R3HDM4: variants seen among roughly 807,000 people sequenced by gnomAD.
The protein encoded by R3HDM4 is R3H domain containing 4, also known as R3H domain-containing protein 4.
R3HDM4 carries 30 observed loss-of-function variants against 31.3 expected under a neutral mutation model. The ratio of observed to expected loss-of-function variants is 0.96; its 90% CI spans 0.72 to 1.30. The LOEUF (loss-of-function observed/expected upper bound fraction) is 1.30, where lower values mean the gene tolerates loss of function less well. Ranked by LOEUF, R3HDM4 falls within the 50% of genes most tolerant of loss-of-function variation. The pLI is 0.00. For synonymous variants in R3HDM4, 196 were observed against 156.6 expected (o/e 1.25, Z -1.88); for missense variants, 444 against 366.1 (o/e 1.21, Z -1.74).
rs551782851 is a variant in R3HDM4 at position 899,491 on chromosome 19, C to T, written c.652G>A (p.Glu218Lys). The T allele has an allele frequency of 4.3e-6, 7 of 1,613,702 alleles. No homozygotes were observed. The highest frequency in any genetic ancestry group is 1.7e-5 in the Admixed American group (1 of 60,026). Reference protein sequence around the residue: ...VYTAMLDNSFERLLLHAVCQY... With the variant: ...VYTAMLDNSFKRLLLHAVCQY... ...CAGACAGCGTGCAGCAGAAGCCTCT[C>T]GAAGCTGTGGGGAACGGGCAGTGAG... The change falls in exon 7 of 8, where the codon GAG becomes AAG. Residue 218 changes from glutamate to lysine, a missense_variant. Transcript: ENST00000361574. The surrounding 1 kb of genome is among the most constrained non-coding windows in gnomAD (Gnocchi z 6.8).
intron 1 of R3HDM4, among the ~76,000 whole-genome samples, chr19:910,388 G>A (rs1257949557): frequency 6.6e-6 from 1 of 152,084 alleles, no homozygotes; most frequent in Admixed American, 6.6e-5. Context: ...GGAGGCTGGG[G>A]CAGGAGGATC....
At chr19:901,860 G>C in intron 2 of R3HDM4, 116 bp downstream of exon 2, 3 of 1,140,960 alleles carry the variant, frequency 2.6e-6, no homozygotes, top group Non-Finnish European at 3.6e-6. Context: ...ACACCTCTTT[G>C]GGTCCCCAGC....
At chr19:910,857 C>T (rs1266444602) in intron 1 of R3HDM4, among the ~76,000 whole-genome samples, 1 of 152,224 alleles carries the variant, frequency 6.6e-6, no homozygotes, top group Admixed American at 6.5e-5. Context: ...CGGTGGCTCA[C>T]GCCTGTAATC....
intron 1 of R3HDM4, among the ~76,000 whole-genome samples, chr19:905,955 C>T (rs966610306): frequency 2.6e-5 from 4 of 152,258 alleles, no homozygotes; most frequent in South Asian, 2.1e-4. Context: ...CGCCAGGCTG[C>T]GGCGTTAGCA....
chr19:901,463 C>T lies in R3HDM4; in HGVS notation c.310G>A (p.Gly104Ser). ...TTGTTGCAGGCCTCGGCAAAGATGC[C>T]TGGTGATGCAGGGGGTGCCAAGTCC... ...DGDLAPPASPGIFAEACNNAT... is the reference protein window; with the variant it reads ...DGDLAPPASPSIFAEACNNAT... Residue 104 changes from glycine to serine, a missense_variant, in exon 3 of 8, where the codon GGC becomes AGC. By Grantham distance (56) the Gly-to-Ser change is moderately conservative. Coordinates refer to ENST00000361574, the MANE Select transcript of R3HDM4 (RefSeq NM_138774.4). 1 of 1,609,500 alleles carries T rather than the reference C, an allele frequency of 6.2e-7. No homozygotes were observed. The highest frequency in any genetic ancestry group is 8.5e-7 in the Non-Finnish European group (1 of 1,179,636).
chr19:905,712 G>C (rs1262099449), intron 1 of R3HDM4, among the ~76,000 whole-genome samples: 1 of 151,350 alleles, frequency 6.6e-6, no homozygotes, highest in Non-Finnish European at 1.5e-5. Flanking sequence ...AGTAAGCAAG[G>C]TGAGGAGACC....
At chr19:906,435 G>C (rs2036906805) in intron 1 of R3HDM4, among the ~76,000 whole-genome samples, 1 of 152,066 alleles carries the variant, frequency 6.6e-6, no homozygotes, top group Non-Finnish European at 1.5e-5. Context: ...AGCCAGAATG[G>C]TCTGGATCTC....
At chr19:902,950 A>C (rs537828095) in intron 1 of R3HDM4, among the ~76,000 whole-genome samples, 2 of 152,310 alleles carry the variant, frequency 1.3e-5, no homozygotes, top group East Asian at 3.9e-4. Context: ...TCAAAAAAAA[A>C]CAAAAAACTG....
intron 1 of R3HDM4, among the ~76,000 whole-genome samples, 180 bp downstream of exon 1, chr19:912,907 C>T (rs1481427381): frequency 6.7e-6 from 1 of 149,318 alleles, no homozygotes; most frequent in Non-Finnish European, 1.5e-5. Flanking sequence ...GGGTCCACAG[C>T]GGGCGAGAAG....
At chr19:900,789 A>G (rs2930886) in intron 4 of R3HDM4, 40 bp downstream of exon 4, 192,802 of 664,158 alleles carry the variant, frequency 0.29, 38,864 homozygotes, top group African/African-American at 0.46. Flanking sequence ...CCCCATCCAT[A>G]CCCTGGCCCC....
At chr19:903,652 G>T (rs994158373) in intron 1 of R3HDM4, among the ~76,000 whole-genome samples, 4 of 152,214 alleles carry the variant, frequency 2.6e-5, no homozygotes, top group African/African-American at 9.6e-5. Flanking sequence ...CACTTTGGGA[G>T]CCCAAGGTGG....
chr19:905,100 C>T lies in R3HDM4; in HGVS notation c.72-2970G>A, dbSNP rs550155743. 2.0e-5 allele frequency among the ~76,000 whole-genome samples: 3 copies of T among 152,054 alleles called. No individual in the cohort carries two copies. In the East Asian group the frequency reaches 5.9e-4, roughly 30 times the overall value. ...GCATGCACCTGTAATTCCAGTTACA[C>T]AGGAGGCTGAGGCAGGAGAATTGCT... On this transcript the variant is annotated intron_variant, in intron 1 of 7. Coordinates refer to ENST00000361574, the MANE Select transcript of R3HDM4 (RefSeq NM_138774.4).
intron 1 of R3HDM4, among the ~76,000 whole-genome samples, chr19:903,826 G>A (rs62132328): frequency 2.3e-3 from 350 of 152,202 alleles, no homozygotes; most frequent in Non-Finnish European, 3.6e-3. Context: ...CGAGGCGGGC[G>A]GATCATGAGG....
intron 4 of R3HDM4, among the ~76,000 whole-genome samples, 158 bp downstream of exon 4, chr19:900,671 C>G (rs2036818354): frequency 7.3e-6 from 1 of 136,826 alleles, no homozygotes; most frequent in Non-Finnish European, 1.6e-5. Context: ...CCCCCATCCC[C>G]CATCCATACC....
intron 2 of R3HDM4, 88 bp downstream of exon 2, chr19:901,888 C>T: frequency 6.6e-7 from 1 of 1,520,450 alleles, no homozygotes; most frequent in South Asian, 1.2e-5. Context: ...AGGCACAGCT[C>T]ATGGGAGGGG....
Position 913,094 on chromosome 19 carries a change from G to A in R3HDM4, c.64C>T (p.Arg22Trp), listed in dbSNP as rs1177287560. ...CCGCCCGCCCGCGCTCACAGCAGCC[G>A]CCGCCCGCCCGGGGTGCCCTCCGCC... is the stretch of plus-strand genomic sequence containing the variant. ...EAAEGTPGGR[R>W]LLPLPSCLPA... The change falls in exon 1 of 8, where the codon CGG (arginine) becomes TGG (tryptophan). Residue 22 changes from arginine (R) to tryptophan (W), a missense_variant. By Grantham distance (101) the Arg-to-Trp change is moderately radical. Transcript: ENST00000361574. This position sits in a 1 kb window ranked among gnomAD's most constrained non-coding sequence, Gnocchi z 5.0. 2 of 1,063,170 alleles carry A rather than the reference G, an allele frequency of 1.9e-6. No homozygotes were observed. Among genetic ancestry groups the A allele is most frequent in the South Asian group, 4.0e-5 (1 of 24,822 alleles). The allele number at this position is 1,063,170 out of a possible 1,614,324, so 65.9% of individuals were successfully genotyped here.
At position 911,688 on chromosome 19, in the gene R3HDM4, C is replaced by T. The variant is rs538462097; in HGVS notation, c.71+1399G>A. 3.9e-5 allele frequency among the ~76,000 whole-genome samples: 6 copies of T among 152,272 alleles called. No individual in the cohort carries two copies. In the East Asian group the frequency reaches 1.2e-3, roughly 29 times the overall value. On this transcript the variant is annotated intron_variant, in intron 1 of 7. Transcript: ENST00000361574. ...GCAGGAACGGAACACGCGCCGCCTCCTCGCCCTCCACCAACACGGACCCCA... is the reference window on the plus strand; with the variant it reads ...GCAGGAACGGAACACGCGCCGCCTCTTCGCCCTCCACCAACACGGACCCCA...
intron 1 of R3HDM4, among the ~76,000 whole-genome samples, chr19:910,850 T>C (rs940866970): frequency 2.0e-5 from 3 of 152,168 alleles, no homozygotes; most frequent in African/African-American, 7.2e-5. Context: ...GCCGGCGCGG[T>C]GGCTCACGCC....
intron 1 of R3HDM4, among the ~76,000 whole-genome samples, chr19:903,169 C>T (rs1599359585): frequency 6.6e-6 from 1 of 151,800 alleles, no homozygotes; most frequent in East Asian, 1.9e-4. Context: ...ATCCACATCC[C>T]CCACTCCCAG....
Sources: allele counts gnomAD v4.1 joint callset (sites outside exome capture counted in the v4.1 genomes callset), GRCh38; gene constraint gnomAD v4.1.1; non-coding constraint Gnocchi (gnomAD v3.1); transcripts MANE v1.5; gene names NCBI Gene and HGNC (gene_info 2026-07-23, HGNC 2026-07-21).